RHBDD1: variants seen among roughly 807,000 people sequenced by gnomAD.
RHBDD1 encodes the protein rhomboid-related protein 4.
A neutral mutation model predicts 36.3 loss-of-function variants in RHBDD1; 38 were observed. That is an observed-to-expected ratio of 1.05 (90% confidence interval 0.81 to 1.37). The LOEUF (loss-of-function observed/expected upper bound fraction) is 1.37. Ranked by LOEUF, RHBDD1 falls within the 40% of genes most tolerant of loss-of-function variation. RHBDD1 has a pLI of 0.00. For missense variants in RHBDD1, 393 were observed against 377.6 expected (o/e 1.04, Z -0.34); for synonymous variants, 151 against 136.5 (o/e 1.11, Z -0.74).
intron 5 of RHBDD1, among the ~76,000 whole-genome samples, chr2:226,896,080 T>A (rs1947074481): frequency 6.6e-6 from 1 of 152,242 alleles, no homozygotes; most frequent in African/African-American, 2.4e-5. Context: ...ATATGTAACA[T>A]TATAACTGTA....
At chr2:226,847,890 T>TG (rs1942394155) in intron 3 of RHBDD1, among the ~76,000 whole-genome samples, 1 of 152,168 alleles carries the variant, frequency 6.6e-6, no homozygotes, top group South Asian at 2.1e-4. Context: ...GGGTAGGGCT[T>TG]GGGGGTGAAG....
chr2:226,951,675 A>C (rs1270708925), intron 8 of RHBDD1, among the ~76,000 whole-genome samples: 1 of 152,188 alleles, frequency 6.6e-6, no homozygotes, highest in African/African-American at 2.4e-5. Context: ...CTGTCTATAT[A>C]ATCTTCCAAT....
At chr2:226,906,120 G>A (rs543284625) in intron 5 of RHBDD1, among the ~76,000 whole-genome samples, 1 of 152,320 alleles carries the variant, frequency 6.6e-6, no homozygotes, top group African/African-American at 2.4e-5. Flanking sequence ...AATCTTACAA[G>A]TAATTGCTGG....
intron 5 of RHBDD1, among the ~76,000 whole-genome samples, chr2:226,884,057 A>G (rs1487417430): frequency 6.6e-6 from 1 of 152,218 alleles, no homozygotes; most frequent in Non-Finnish European, 1.5e-5. Context: ...TAAACATTAT[A>G]CAATTAAATA....
At chr2:226,966,664 C>T (rs1465293262) in intron 8 of RHBDD1, among the ~76,000 whole-genome samples, 1 of 152,074 alleles carries the variant, frequency 6.6e-6, no homozygotes, top group Non-Finnish European at 1.5e-5. Flanking sequence ...GCCTGGTGGC[C>T]ATTGTATCAG....
intron 8 of RHBDD1, among the ~76,000 whole-genome samples, chr2:226,936,036 C>A (rs540748741): frequency 2.6e-5 from 4 of 152,042 alleles, no homozygotes; most frequent in Non-Finnish European, 5.9e-5. Context: ...CACTTAACTT[C>A]TTTTTTTTAA....
chr2:226,844,778 G>C (rs968967824), intron 3 of RHBDD1, among the ~76,000 whole-genome samples: 5 of 152,144 alleles, frequency 3.3e-5, no homozygotes, highest in African/African-American at 1.2e-4. Flanking sequence ...TAAACCGTGT[G>C]GTTTATGAGA....
intron 5 of RHBDD1, among the ~76,000 whole-genome samples, chr2:226,889,223 A>C (rs1165395068): frequency 6.6e-6 from 1 of 152,200 alleles, no homozygotes; most frequent in South Asian, 2.1e-4. Flanking sequence ...GAAGGGACTC[A>C]TCAGAGCTGT....
At chr2:226,806,620 T>G in the RHBDD1 span, among the ~76,000 whole-genome samples, 1 of 152,198 alleles carries the variant, frequency 6.6e-6, no homozygotes, top group African/African-American at 2.4e-5. Context: ...ATAAACACAT[T>G]GAACATCAGT....
intron 8 of RHBDD1, among the ~76,000 whole-genome samples, chr2:226,977,566 C>T (rs966860091): frequency 1.3e-5 from 2 of 152,108 alleles, no homozygotes; most frequent in African/African-American, 2.4e-5. Flanking sequence ...AATGGTGAAC[C>T]GTGAAACACC....
chr2:226,864,960 C>T lies in RHBDD1; in HGVS notation c.267C>T (p.Leu89=), dbSNP rs1424204488. The T allele has an allele frequency of 6.2e-7, 1 of 1,614,078 alleles. No individual in the cohort carries two copies. Among genetic ancestry groups the T allele is most frequent in the African/African-American group, 1.3e-5 (1 of 74,924 alleles). ...WHLYFNMASM[L]WKGINLERRL... ...TGTATTTCAATATGGCATCCATGCT[C>T]TGGAAAGGAATAAATCTAGAAAGAA... The change falls in exon 4 of 9, where the codon CTC becomes CTT. Residue 89 remains leucine (L), a synonymous_variant. Coordinates refer to ENST00000392062, the MANE Select transcript of RHBDD1 (RefSeq NM_001167608.3).
the RHBDD1 span, among the ~76,000 whole-genome samples, chr2:226,813,205 C>G: frequency 6.6e-6 from 1 of 152,222 alleles, no homozygotes; most frequent in Non-Finnish European, 1.5e-5. Context: ...GCTAACAATA[C>G]AAACCACACA....
At chr2:226,852,901 T>TTTATTATTGTTATTATTA (rs1553543385) in intron 3 of RHBDD1, among the ~76,000 whole-genome samples, 5 of 125,202 alleles carry the variant, frequency 4.0e-5, no homozygotes, top group South Asian at 2.5e-4. Context: ...ACCTGGCTAA[T>TTTATTATTGTTATTATTA]TTATTATTAT....
chr2:226,821,946 C>T, the RHBDD1 span, among the ~76,000 whole-genome samples: 838 of 152,072 alleles, frequency 5.5e-3, 48 homozygotes, highest in East Asian at 0.11. Context: ...GAAAAAATTT[C>T]GTGTTATTAT....
intron 8 of RHBDD1, among the ~76,000 whole-genome samples, chr2:226,975,676 A>G (rs1413177557): frequency 5.3e-5 from 8 of 152,218 alleles, no homozygotes; most frequent in African/African-American, 1.9e-4. Flanking sequence ...TGCAGAAGGA[A>G]CTCATTAAAA....
intron 7 of RHBDD1, among the ~76,000 whole-genome samples, chr2:226,911,269 A>G (rs1948495214): frequency 6.6e-6 from 1 of 152,096 alleles, no homozygotes; most frequent in Non-Finnish European, 1.5e-5. Context: ...CGTAGATCTT[A>G]CATAACAGAA....
the RHBDD1 span, among the ~76,000 whole-genome samples, chr2:226,811,867 C>G: frequency 2.6e-4 from 40 of 152,244 alleles, no homozygotes; most frequent in African/African-American, 9.6e-4. Flanking sequence ...ACAGTTTTGA[C>G]AGTCATAGGG....
intron 8 of RHBDD1, 80 bp from the exon 9 acceptor site, chr2:226,995,351 T>C: frequency 1.2e-6 from 1 of 850,970 alleles, no homozygotes; most frequent in Non-Finnish European, 2.0e-6. Flanking sequence ...AAGCTATCAC[T>C]TTGTTCCCTT....
the RHBDD1 span, among the ~76,000 whole-genome samples, chr2:226,818,693 G>C: frequency 6.6e-6 from 1 of 151,594 alleles, no homozygotes; most frequent in East Asian, 2.0e-4. Flanking sequence ...ACAAAAGTTA[G>C]CCAGGCGTGG....
Sources: allele counts gnomAD v4.1 joint callset (sites outside exome capture counted in the v4.1 genomes callset), GRCh38; gene constraint gnomAD v4.1.1; transcripts MANE v1.5; gene names NCBI Gene and HGNC (gene_info 2026-07-23, HGNC 2026-07-21).